Variants in WDFY3 observed in about 807,000 individuals in gnomAD.
WDFY3 encodes WD repeat and FYVE domain containing 3.
WDFY3 carries 66 observed loss-of-function variants against 409.6 expected under a neutral mutation model. The ratio of observed to expected loss-of-function variants is 0.16; its 90% CI spans 0.13 to 0.20. WDFY3 has a LOEUF of 0.20. Among genes scored for constraint, WDFY3 ranks in the 10% least tolerant of loss-of-function variants. WDFY3 has a pLI of 1.00. For synonymous variants in WDFY3, 1,521 were observed against 1,537.1 expected (o/e 0.99, Z 0.25); for missense variants, 3,031 against 4,298.1 (o/e 0.71, Z 8.24).
At chr4:84,758,124 G>C (rs1017589667) in intron 32 of WDFY3, among the ~76,000 whole-genome samples, 4 of 152,170 alleles carry the variant, frequency 2.6e-5, no homozygotes, top group Non-Finnish European at 5.9e-5. Flanking sequence ...CATACCTAGG[G>C]AAGTACTCAG....
chr4:84,742,577 CCA>C lies in WDFY3; in HGVS notation c.6074-658_6074-657del, dbSNP rs1290435370. 2.0e-5 allele frequency among the ~76,000 whole-genome samples: 3 copies of C among 152,250 alleles called. No homozygotes were observed. In the East Asian group the frequency reaches 5.8e-4, roughly 29 times the overall value. On this transcript the variant is annotated intron_variant, in intron 37 of 67. Transcript: ENST00000295888. ...CCCAACTCCCAGGCCATGGAACGGA[CCA>C]CACAGCAAGAGGTGTGAGGTGGGTG...
intron 1 of WDFY3, among the ~76,000 whole-genome samples, chr4:84,955,975 G>A (rs955234597): frequency 2.0e-5 from 3 of 151,890 alleles, no homozygotes; most frequent in African/African-American, 7.3e-5. Context: ...AAACAAATCA[G>A]TTGTCCTTTG....
chr4:84,678,332 C>T lies in WDFY3; in HGVS notation c.10148-53G>A. ...ATAACTCAACTGAGAGAAGCCAATA[C>T]TGGGGAGAACTACTCTAAGATGGTG... On this transcript the variant is annotated intron_variant, in intron 65 of 67. Coordinates refer to ENST00000295888, the MANE Select transcript of WDFY3 (RefSeq NM_014991.6). 3.9e-6 allele frequency: 5 copies of T among 1,296,642 alleles called. No individual in the cohort carries two copies. In the South Asian group the frequency reaches 5.9e-5, roughly 15 times the overall value. The allele number at this position is 1,296,642 out of a possible 1,614,324, so 80.3% of individuals were successfully genotyped here. A position where few individuals can be genotyped will look rare whatever the true frequency, so the allele number is the denominator to read the frequency against.
chr4:84,691,164 GTCTCTCCAAGAGGTAC>G (rs1357802288), intron 60 of WDFY3, among the ~76,000 whole-genome samples: 2 of 152,188 alleles, frequency 1.3e-5, no homozygotes, highest in Non-Finnish European at 2.9e-5. Context: ...ACTATGGATT[GTCTCTCCAAGAGGTAC>G]TTATGGGACC....
intron 26 of WDFY3, 66 bp from the exon 27 acceptor site, chr4:84,778,721 A>G (rs1745979722): frequency 2.7e-6 from 4 of 1,457,942 alleles, no homozygotes; most frequent in South Asian, 1.4e-5. Context: ...ACACACACAA[A>G]CACACACATA....
chr4:84,818,943 A>C (rs1463802271), intron 12 of WDFY3, among the ~76,000 whole-genome samples: 1 of 152,102 alleles, frequency 6.6e-6, no homozygotes, highest in Non-Finnish European at 1.5e-5. Flanking sequence ...TAATTTGCTA[A>C]GCAAATTCCT....
At chr4:84,711,715 G>A (rs925840095) in intron 51 of WDFY3, among the ~76,000 whole-genome samples, 1 of 151,882 alleles carries the variant, frequency 6.6e-6, no homozygotes, top group Non-Finnish European at 1.5e-5. Context: ...GCCAGGTGTG[G>A]TGGCGCGCAC....
chr4:84,868,726 C>T (rs1048316673), intron 3 of WDFY3, among the ~76,000 whole-genome samples: 3 of 152,150 alleles, frequency 2.0e-5, no homozygotes, highest in Non-Finnish European at 2.9e-5. Flanking sequence ...TGCTGCCTTT[C>T]TGGAACCCTT....
At chr4:84,856,519 A>T (rs1759783752) in intron 4 of WDFY3, among the ~76,000 whole-genome samples, 1 of 152,140 alleles carries the variant, frequency 6.6e-6, no homozygotes, top group African/African-American at 2.4e-5. Flanking sequence ...TTCAGACTTC[A>T]CCATAATCTT....
At chr4:84,946,240 C>T (rs1772812443) in intron 1 of WDFY3, among the ~76,000 whole-genome samples, 1 of 152,168 alleles carries the variant, frequency 6.6e-6, no homozygotes, top group Admixed American at 6.5e-5. Flanking sequence ...CAGGTTAGGG[C>T]TTTGTGCTCA....
At chr4:84,681,450 T>C (rs1359426683) in intron 64 of WDFY3, among the ~76,000 whole-genome samples, 1 of 152,192 alleles carries the variant, frequency 6.6e-6, no homozygotes, top group Non-Finnish European at 1.5e-5. Context: ...GGGCTGTAAT[T>C]AGAAATTTAC....
chr4:84,772,007 C>A (rs370700216), intron 30 of WDFY3, among the ~76,000 whole-genome samples: 34 of 152,216 alleles, frequency 2.2e-4, no homozygotes, highest in African/African-American at 7.5e-4. Context: ...AGGCTGTGCT[C>A]GGGAAGGACA....
intron 51 of WDFY3, among the ~76,000 whole-genome samples, chr4:84,711,446 A>G (rs1376511793): frequency 2.0e-5 from 3 of 152,256 alleles, no homozygotes; most frequent in Non-Finnish European, 4.4e-5. Context: ...CGGACAATTT[A>G]CAAAAATGAT....
At chr4:84,898,151 T>A (rs1331503624) in intron 2 of WDFY3, among the ~76,000 whole-genome samples, 1 of 152,216 alleles carries the variant, frequency 6.6e-6, no homozygotes, top group African/African-American at 2.4e-5. Context: ...GCAGACACTT[T>A]TGAAGTGCTC....
intron 61 of WDFY3, among the ~76,000 whole-genome samples, chr4:84,688,623 T>A (rs1485143294): frequency 6.6e-6 from 1 of 152,168 alleles, no homozygotes; most frequent in Non-Finnish European, 1.5e-5. Context: ...ATTATGGGCA[T>A]CAAAAATACA....
chr4:84,893,846 C>T (rs1183088779), intron 3 of WDFY3, among the ~76,000 whole-genome samples: 1 of 151,932 alleles, frequency 6.6e-6, no homozygotes, highest in East Asian at 1.9e-4. Flanking sequence ...AAAAATTAGC[C>T]AGATGTGGTG....
chr4:84,766,175 C>A, intron 31 of WDFY3, 77 bp downstream of exon 31: 1 of 1,500,958 alleles, frequency 6.7e-7, no homozygotes, highest in Non-Finnish European at 9.0e-7. Flanking sequence ...AAGTCAATGG[C>A]AATTCCTTCT....
At chr4:84,732,432 T>C (rs1736751843) in intron 44 of WDFY3, among the ~76,000 whole-genome samples, 1 of 152,194 alleles carries the variant, frequency 6.6e-6, no homozygotes, top group Admixed American at 6.5e-5. Flanking sequence ...AAATGTACAA[T>C]AGATTATTAT....
chr4:84,800,483 T>A lies in WDFY3; in HGVS notation c.2822+1167A>T, dbSNP rs531224675. 7.2e-5 allele frequency among the ~76,000 whole-genome samples: 11 copies of A among 152,272 alleles called. No individual in the cohort carries two copies. In the East Asian group the frequency reaches 2.1e-3, roughly 29 times the overall value. ...TGAATGATTCACAAACTCTGATACA[T>A]CCATACTGTGGAACATTATTCATAA... On this transcript the variant is annotated intron_variant, in intron 17 of 67. Coordinates refer to ENST00000295888, the MANE Select transcript of WDFY3 (RefSeq NM_014991.6).
Sources: gnomAD v4.1 joint callset for allele counts (sites outside exome capture counted in the v4.1 genomes callset) on GRCh38, gnomAD v4.1.1 for gene constraint, MANE v1.5 for transcripts, NCBI Gene and HGNC (gene_info 2026-07-23, HGNC 2026-07-21) for gene names.